SLC39A11: variants seen among roughly 807,000 people sequenced by gnomAD.
SLC39A11 encodes the protein solute carrier family 39 member 11.
In SLC39A11, 33 loss-of-function variants were observed where a neutral mutation model predicts 36.1. The ratio of observed to expected loss-of-function variants is 0.91; its 90% CI spans 0.69 to 1.22. The LOEUF (loss-of-function observed/expected upper bound fraction) is 1.22, where lower values mean the gene tolerates loss of function less well. Among genes scored for constraint, SLC39A11 ranks in the 50% most tolerant of loss-of-function variants. The probability of loss-of-function intolerance (pLI) is 0.00; values close to 1 mark genes in which losing one functional copy is unlikely to be tolerated. For missense variants in SLC39A11, 432 were observed against 430.3 expected, an observed-to-expected ratio of 1.00 and a Z score of -0.03; for synonymous variants, 166 against 170.3, an observed-to-expected ratio of 0.97 and a Z score of 0.20.
chr17:73,091,443 C>CA (rs982350026), intron 1 of SLC39A11, among the ~76,000 whole-genome samples: 29 of 146,984 alleles, frequency 2.0e-4, no homozygotes, highest in South Asian at 4.3e-4. Flanking sequence ...GGCTCTGTCT[C>CA]AAAAAAAAAT....
chr17:72,897,637 G>C (rs1160372092), intron 5 of SLC39A11, among the ~76,000 whole-genome samples: 1 of 152,224 alleles, frequency 6.6e-6, no homozygotes, highest in East Asian at 1.9e-4. Flanking sequence ...CAGGATCCTT[G>C]TGAGTTCAGC....
At chr17:72,873,894 T>C (rs886608344) in intron 5 of SLC39A11, among the ~76,000 whole-genome samples, 37 of 152,296 alleles carry the variant, frequency 2.4e-4, no homozygotes, top group African/African-American at 8.7e-4. Context: ...CCCCATGCTA[T>C]TCTCGTGATT....
At chr17:73,043,765 G>A (rs1175627087) in intron 3 of SLC39A11, among the ~76,000 whole-genome samples, 2 of 152,122 alleles carry the variant, frequency 1.3e-5, no homozygotes, top group African/African-American at 2.4e-5. Flanking sequence ...GAATGAGGCT[G>A]CCCATGTCTG....
At chr17:73,084,988 C>A in intron 2 of SLC39A11, 142 bp from the exon 3 acceptor site, 1 of 816,086 alleles carries the variant, frequency 1.2e-6, no homozygotes, top group Non-Finnish European at 2.0e-6. Context: ...TCAGTTTATA[C>A]CATGGGCCAA....
At chr17:72,846,014 C>CTTTTTTT (rs1275294702) in intron 6 of SLC39A11, among the ~76,000 whole-genome samples, 22 of 96,246 alleles carry the variant, frequency 2.3e-4, no homozygotes, top group African/African-American at 7.5e-4. Context: ...CTCTCTCTCT[C>CTTTTTTT]TCTCTTTTTT....
In SLC39A11 at chr17:72,740,056, C is replaced by CTTT. The variant is rs386386565; in HGVS notation, c.602-3340_602-3338dup. Among the ~76,000 whole-genome samples the CTTT allele has an allele frequency of 1.6e-3, 132 of 81,460 alleles. 10 individuals are homozygous for CTTT. Among genetic ancestry groups the CTTT allele is most frequent in the Admixed American group, 0.011 (59 of 5,538 alleles). 53.4% of individuals were successfully genotyped at this position (81,460 alleles called of 152,430 possible). Reference sequence around the variant, plus strand: ...AGCTAGATAGAATTTCTTTCCTTTTCTTTTTTTTTTTTTTTTTTTTTTTTG... The same window carrying CTTT: ...AGCTAGATAGAATTTCTTTCCTTTTCTTTTTTTTTTTTTTTTTTTTTTTTTTTG... On this transcript the variant is annotated intron_variant, in intron 6 of 9. Transcript: ENST00000255559.
At chr17:72,712,782 T>G (rs1253793684) in intron 7 of SLC39A11, 1 of 152,130 alleles carries the variant, frequency 6.6e-6, no homozygotes, top group Non-Finnish European at 1.5e-5. Flanking sequence ...GAAACATTTT[T>G]TAAAAAAATT....
chr17:73,007,050 C>T (rs2090227168), intron 4 of SLC39A11, among the ~76,000 whole-genome samples: 1 of 152,232 alleles, frequency 6.6e-6, no homozygotes. Context: ...CCCAAGGAGC[C>T]TACAGCCCAT....
intron 3 of SLC39A11, chr17:73,068,331 T>C: frequency 5.3e-6 from 3 of 562,376 alleles, no homozygotes; most frequent in East Asian, 2.8e-5. Flanking sequence ...TTTTAGCCAC[T>C]ATGTTTCAGG....
At chr17:72,907,222 G>A (rs1194913169) in intron 5 of SLC39A11, among the ~76,000 whole-genome samples, 1 of 152,210 alleles carries the variant, frequency 6.6e-6, no homozygotes, top group East Asian at 1.9e-4. Flanking sequence ...GGGTGCGGGG[G>A]CTCAGAACTG....
chr17:72,977,138 G>C (rs185534569), intron 4 of SLC39A11, among the ~76,000 whole-genome samples: 1 of 152,290 alleles, frequency 6.6e-6, no homozygotes, highest in African/African-American at 2.4e-5. Context: ...AGAAAGGGAA[G>C]TCAGAGAGAT....
chr17:72,856,131 G>A (rs540483508), intron 5 of SLC39A11, among the ~76,000 whole-genome samples: 7 of 152,218 alleles, frequency 4.6e-5, no homozygotes, highest in Middle Eastern at 3.4e-3. Context: ...TTGATCAAAG[G>A]GCCATGATAC....
intron 3 of SLC39A11, among the ~76,000 whole-genome samples, chr17:73,065,552 A>G (rs545772908): frequency 1.3e-4 from 20 of 152,324 alleles, no homozygotes; most frequent in Non-Finnish European, 2.9e-4. Flanking sequence ...TCAGGAGGTC[A>G]GGAATCCTTC....
intron 6 of SLC39A11, among the ~76,000 whole-genome samples, chr17:72,766,448 T>C (rs2144629161): frequency 6.6e-6 from 1 of 152,292 alleles, no homozygotes; most frequent in South Asian, 2.1e-4. Flanking sequence ...AAGTTAGTGT[T>C]CACACCACCT....
chr17:72,859,422 A>G (rs1231699648), intron 5 of SLC39A11, among the ~76,000 whole-genome samples: 1 of 151,884 alleles, frequency 6.6e-6, no homozygotes, highest in Non-Finnish European at 1.5e-5. Flanking sequence ...CAAATGTAGC[A>G]AGGTAACCTG....
intron 5 of SLC39A11, among the ~76,000 whole-genome samples, chr17:72,917,333 C>G (rs762206879): frequency 5.3e-5 from 8 of 152,186 alleles, no homozygotes; most frequent in Admixed American, 1.3e-4. Flanking sequence ...GATTCAAAGG[C>G]AAGGAAGGCT....
At chr17:73,003,532 GT>G (rs2089949323) in intron 4 of SLC39A11, among the ~76,000 whole-genome samples, 1 of 152,136 alleles carries the variant, frequency 6.6e-6, no homozygotes. Context: ...ACTGGTGCCT[GT>G]TTCAGAGAGC....
In SLC39A11 at chr17:72,820,486, C is replaced by G. The variant is rs756259671; in HGVS notation, c.601+29148G>C. 5.3e-5 allele frequency among the ~76,000 whole-genome samples: 8 copies of G among 151,198 alleles called. 1 individual carries two copies. Among genetic ancestry groups the G allele is most frequent in the Non-Finnish European group, 1.2e-4 (8 of 67,484 alleles). On this transcript the variant is annotated intron_variant, in intron 6 of 9. Transcript: ENST00000255559. ...CAGCTCAGAGCACCCTCACAACCTC[C>G]CTTCAACAGGAGCACCCTCTCTCTC...
chr17:72,697,970 T>G (rs1456275108), intron 7 of SLC39A11, among the ~76,000 whole-genome samples: 1 of 152,212 alleles, frequency 6.6e-6, no homozygotes, highest in Non-Finnish European at 1.5e-5. Context: ...ATGTTGCCTT[T>G]CAAATTGTTT....
Sources: allele counts gnomAD v4.1 joint callset (sites outside exome capture counted in the v4.1 genomes callset), GRCh38; gene constraint gnomAD v4.1.1; transcripts MANE v1.5; gene names NCBI Gene and HGNC (gene_info 2026-07-23, HGNC 2026-07-21).